ASPH: variants seen among roughly 807,000 people sequenced by gnomAD.
The protein encoded by ASPH is aspartyl/asparaginyl beta-hydroxylase.
ASPH carries 100 observed loss-of-function variants against 118.4 expected under a neutral mutation model. The ratio of observed to expected loss-of-function variants is 0.84; its 90% confidence interval spans 0.72 to 1.00. The LOEUF (loss-of-function observed/expected upper bound fraction) is 1.00. Among genes scored for constraint, ASPH ranks in the 50% least tolerant of loss-of-function variants. The pLI is 0.00. For missense variants in ASPH, 920 were observed against 919.5 expected, an observed-to-expected ratio of 1.00 and a Z score of -0.01; for synonymous variants, 315 against 325.6, an observed-to-expected ratio of 0.97 and a Z score of 0.35.
chr8:61,643,099 T>C (rs1564157747), intron 9 of ASPH, among the ~76,000 whole-genome samples, 179 bp from the exon 10 acceptor site: 1 of 152,170 alleles, frequency 6.6e-6, no homozygotes, highest in African/African-American at 2.4e-5. Flanking sequence ...GGCAGGTAAA[T>C]TATTTTCATT....
chr8:61,649,660 C>A (rs1054155100), intron 5 of ASPH, among the ~76,000 whole-genome samples: 1 of 151,988 alleles, frequency 6.6e-6, no homozygotes, highest in South Asian at 2.1e-4. Flanking sequence ...GCCCACCCCC[C>A]ACCACCTAAA....
intron 1 of ASPH, among the ~76,000 whole-genome samples, chr8:61,699,439 G>T (rs186855709): frequency 2.0e-5 from 3 of 152,188 alleles, no homozygotes; most frequent in Non-Finnish European, 4.4e-5. Context: ...TGCAGGTACT[G>T]CAAGGTAAGT....
intron 3 of ASPH, chr8:61,658,492 G>A (rs1386287133): frequency 2.6e-5 from 4 of 152,114 alleles, no homozygotes; most frequent in Non-Finnish European, 2.9e-5. Context: ...TGTAAGTTCA[G>A]GCACCTGGGA....
chr8:61,682,869 G>T (rs1828814435), intron 2 of ASPH, among the ~76,000 whole-genome samples: 1 of 152,058 alleles, frequency 6.6e-6, no homozygotes, highest in Admixed American at 6.6e-5. Context: ...AGACACAAGT[G>T]TGCATTTTTT....
At chr8:61,591,371 T>C (rs28695823) in intron 14 of ASPH, among the ~76,000 whole-genome samples, 79,410 of 150,654 alleles carry the variant, frequency 0.53, 23,461 homozygotes, top group Non-Finnish European at 0.67. Flanking sequence ...TGGTCAATAA[T>C]GGAGGGGCCC....
intron 15 of ASPH, among the ~76,000 whole-genome samples, chr8:61,580,888 A>C (rs1243020528): frequency 2.0e-5 from 3 of 152,214 alleles, no homozygotes; most frequent in Non-Finnish European, 4.4e-5. Context: ...CCCAAATAAC[A>C]TAACATTTAC....
At chr8:61,543,786 C>G (rs1822809805) in intron 21 of ASPH, among the ~76,000 whole-genome samples, 1 of 152,144 alleles carries the variant, frequency 6.6e-6, no homozygotes, top group African/African-American at 2.4e-5. Context: ...CGTTGTTGTT[C>G]ATTTTTGTTA....
intron 2 of ASPH, chr8:61,683,822 G>A: frequency 2.2e-6 from 1 of 455,672 alleles, no homozygotes. Flanking sequence ...ACAATATAAA[G>A]CCTTTTTTCA....
At chr8:61,662,966 T>A (rs1170334049) in intron 3 of ASPH, 1 of 985,302 alleles carries the variant, frequency 1.0e-6, no homozygotes, top group African/African-American at 1.7e-5. Flanking sequence ...AAAACTAAGG[T>A]AAAAATTACC....
intron 1 of ASPH, among the ~76,000 whole-genome samples, chr8:61,692,750 G>A (rs941216443): frequency 6.6e-6 from 1 of 152,086 alleles, no homozygotes; most frequent in African/African-American, 2.4e-5. Flanking sequence ...CTTAACCCCA[G>A]AGTTTCTGAT....
At chr8:61,607,755 A>G (rs1469096646) in intron 14 of ASPH, among the ~76,000 whole-genome samples, 1 of 152,188 alleles carries the variant, frequency 6.6e-6, no homozygotes, top group Non-Finnish European at 1.5e-5. Flanking sequence ...GAACAAACGA[A>G]GTGGAATGCA....
intron 1 of ASPH, among the ~76,000 whole-genome samples, chr8:61,695,037 T>C (rs1288991721): frequency 1.3e-5 from 2 of 152,208 alleles, no homozygotes; most frequent in African/African-American, 2.4e-5. Flanking sequence ...AAGATATGGA[T>C]TCTCCTCAGC....
intron 14 of ASPH, among the ~76,000 whole-genome samples, chr8:61,613,335 T>G (rs796686399): frequency 1.8e-4 from 27 of 152,358 alleles, no homozygotes; most frequent in Admixed American, 5.9e-4. Context: ...AACTCTGCTC[T>G]GCGGATTTTG....
Position 61,643,938 on chromosome 8 carries a change from T to G in ASPH, c.709+7A>C. ...AACACATATCAATAATTTTAACATT[T>G]ACAAACCTGGATTTTCCTGCTCAGA... On this transcript the variant is annotated splice_region_variant and intron_variant, in intron 8 of 24. Coordinates refer to ENST00000379454, the MANE Select transcript of ASPH (RefSeq NM_004318.4). 6.2e-7 allele frequency: 1 copy of G among 1,609,062 alleles called. No homozygotes were observed. Among genetic ancestry groups the G allele is most frequent in the Non-Finnish European group, 8.5e-7 (1 of 1,176,006 alleles).
At chr8:61,685,851 T>C (rs1398939719) in intron 1 of ASPH, among the ~76,000 whole-genome samples, 6 of 151,882 alleles carry the variant, frequency 4.0e-5, no homozygotes, top group South Asian at 2.1e-4. Flanking sequence ...TGCACTAGCA[T>C]GATCTCGGCT....
intron 13 of ASPH, among the ~76,000 whole-genome samples, chr8:61,620,357 T>C (rs1043409978): frequency 2.0e-5 from 3 of 152,324 alleles, no homozygotes; most frequent in East Asian, 1.9e-4. Context: ...ATACTTTTTT[T>C]CCACTGAACC....
chr8:61,579,240 C>T (rs569101617), intron 15 of ASPH: 25 of 1,613,896 alleles, frequency 1.5e-5, no homozygotes, highest in East Asian at 2.2e-5. Context: ...TGCCGAGCAG[C>T]GTGGAGAGCT....
intron 4 of ASPH, 47 bp from the exon 5 acceptor site, chr8:61,651,171 A>G: frequency 6.8e-7 from 1 of 1,478,198 alleles, no homozygotes; most frequent in East Asian, 2.3e-5. Context: ...TCAAACATCA[A>G]CATGGACCCC....
At chr8:61,666,314 AAC>A (rs1413253477) in intron 3 of ASPH, among the ~76,000 whole-genome samples, 2 of 152,184 alleles carry the variant, frequency 1.3e-5, no homozygotes, top group Non-Finnish European at 2.9e-5. Flanking sequence ...AATTAAATGA[AAC>A]ACACAGCTAA....
Sources: allele counts gnomAD v4.1 joint callset (sites outside exome capture counted in the v4.1 genomes callset), GRCh38; gene constraint gnomAD v4.1.1; transcripts MANE v1.5; gene names NCBI Gene and HGNC (gene_info 2026-07-23, HGNC 2026-07-21).